Variants in GIPC2 observed in about 807,000 individuals in gnomAD.
The protein encoded by GIPC2 is PDZ domain-containing protein GIPC2.
In GIPC2, 30 loss-of-function variants were observed where a neutral mutation model predicts 30.6. That is an observed-to-expected ratio of 0.98 (90% CI 0.73 to 1.33). The LOEUF (loss-of-function observed/expected upper bound fraction) is 1.33. GIPC2 is among the 40% of genes most tolerant of loss of function. GIPC2 has a pLI of 0.00. For missense variants in GIPC2, 414 were observed against 390.3 expected, an observed-to-expected ratio of 1.06 and a Z score of -0.51; for synonymous variants, 167 against 150.0, an observed-to-expected ratio of 1.11 and a Z score of -0.83.
chr1:78,106,576 A>G (rs1457685540), intron 3 of GIPC2, among the ~76,000 whole-genome samples: 1 of 152,214 alleles, frequency 6.6e-6, no homozygotes, highest in Non-Finnish European at 1.5e-5. Context: ...AAAACAAAAC[A>G]AAACAAAACA....
Position 78,138,333 on chromosome 1 carries a change from A to C in GIPC2, c.*2590A>C, listed in dbSNP as rs1051139340. The C allele has an allele frequency of 4.6e-5, 7 of 152,264 alleles. No homozygotes were observed. Among genetic ancestry groups the C allele is most frequent in the African/African-American group, 1.7e-4 (7 of 41,470 alleles). 9.4% of individuals were successfully genotyped at this position (152,264 alleles called of 1,614,324 possible). ...CAGGTAACCTCTATTTGGAGCTGCT[A>C]CATCCAATATTGTGACTGAAAATTA... is the stretch of plus-strand genomic sequence containing the variant. On this transcript the variant is annotated 3_prime_UTR_variant, in exon 6 of 6. Transcript: ENST00000370759.
intron 1 of GIPC2, among the ~76,000 whole-genome samples, chr1:78,053,768 CA>C (rs11444194): frequency 0.054 from 6,876 of 127,850 alleles, 213 homozygotes; most frequent in Non-Finnish European, 0.076. Context: ...AAAAAAAAGC[CA>C]AAAAAAAAAA....
Position 78,095,010 on chromosome 1 carries a change from T to C in GIPC2, c.485T>C (p.Ile162Thr), listed in dbSNP as rs1262174019. 4 of 1,606,562 alleles carry C rather than the reference T, an allele frequency of 2.5e-6. No individual in the cohort carries two copies. The highest frequency in any genetic ancestry group is 1.7e-5 in the Admixed American group (1 of 59,980). The change falls in exon 3 of 6, where the codon ATT becomes ACT. Residue 162 changes from isoleucine to threonine, a missense_variant. Transcript: ENST00000370759. ...AAAACAATCTGTGTTGGGGATCATA[T>C]TGAATCCATAAATGGAGAAAATATT... ...SVKTICVGDH[I>T]ESINGENIVG...
chr1:78,046,377 C>T, intron 1 of GIPC2, 43 bp downstream of exon 1: 1 of 1,441,036 alleles, frequency 6.9e-7, no homozygotes, highest in East Asian at 2.4e-5. Flanking sequence ...CTCCGCCGCG[C>T]CGCGCCGCGC....
intron 5 of GIPC2, among the ~76,000 whole-genome samples, chr1:78,127,933 CCT>C (rs1195472472): frequency 6.6e-6 from 1 of 152,110 alleles, no homozygotes; most frequent in Admixed American, 6.6e-5. Context: ...AAGTGATCCC[CCT>C]GTCTCGTCTG....
chr1:78,046,628 T>G (rs1661092238), intron 1 of GIPC2, among the ~76,000 whole-genome samples: 1 of 152,152 alleles, frequency 6.6e-6, no homozygotes, highest in African/African-American at 2.4e-5. Flanking sequence ...TTGCTCCAGA[T>G]GTCCCGGATT....
chr1:78,119,498 T>C lies in GIPC2; in HGVS notation c.713T>C (p.Met238Thr). ...AAAGGTCCTGCCACCGTGGAAGAAA[T>C]GGTATGTTATGTTCATTTACTTCCT... is the stretch of plus-strand genomic sequence containing the variant. ...RSKGPATVEE[M>T]PSETKAKAIE... The change falls in exon 4 of 6, where the codon ATG becomes ACG. Residue 238 changes from methionine to threonine, a missense_variant and splice_region_variant. Coordinates refer to ENST00000370759, the MANE Select transcript of GIPC2 (RefSeq NM_017655.6). 1.9e-6 allele frequency: 3 copies of C among 1,558,868 alleles called. No individual in the cohort carries two copies. The highest frequency in any genetic ancestry group is 2.7e-6 in the Non-Finnish European group (3 of 1,130,152).
intron 4 of GIPC2, among the ~76,000 whole-genome samples, chr1:78,124,697 C>T (rs1427271975): frequency 6.6e-6 from 1 of 152,170 alleles, no homozygotes; most frequent in Non-Finnish European, 1.5e-5. Context: ...TGCTTATCTC[C>T]TCTTCATCAT....
intron 2 of GIPC2, among the ~76,000 whole-genome samples, chr1:78,091,010 T>C (rs1457132664): frequency 1.3e-5 from 2 of 152,220 alleles, no homozygotes; most frequent in Non-Finnish European, 2.9e-5. Context: ...GGTGATAGAT[T>C]ATTTTGGACA....
chr1:78,065,154 T>A (rs1043298236), intron 1 of GIPC2, among the ~76,000 whole-genome samples: 1 of 152,112 alleles, frequency 6.6e-6, no homozygotes, highest in African/African-American at 2.4e-5. Context: ...AAAAATTTTT[T>A]GTAGAGGTAG....
intron 2 of GIPC2, among the ~76,000 whole-genome samples, chr1:78,087,231 T>C (rs1050522380): frequency 6.6e-6 from 1 of 152,090 alleles, no homozygotes; most frequent in Non-Finnish European, 1.5e-5. Flanking sequence ...CACAGAACTA[T>C]AAAAAATTAT....
At chr1:78,069,004 C>T in intron 1 of GIPC2, 1 of 881,798 alleles carries the variant, frequency 1.1e-6, no homozygotes, top group Non-Finnish European at 1.4e-6. Flanking sequence ...AGTGCTCTGC[C>T]TCCCCTAGCA....
rs116513720 is a variant in GIPC2 at position 78,098,306 on chromosome 1, T to G, written c.607+3174T>G. ...ATCCAACTTTCTTTCAGAGAAAGAG[T>G]AAAGTCACATTTTCCTTGGTGCTGG... On this transcript the variant is annotated intron_variant, in intron 3 of 5. Coordinates refer to ENST00000370759, the MANE Select transcript of GIPC2 (RefSeq NM_017655.6). 2.0e-3 allele frequency among the ~76,000 whole-genome samples: 312 copies of G among 152,196 alleles called. 4 individuals carry two copies. Among genetic ancestry groups the G allele is most frequent in the African/African-American group, 6.7e-3 (280 of 41,510 alleles).
intron 3 of GIPC2, among the ~76,000 whole-genome samples, chr1:78,114,180 A>T (rs763655805): frequency 2.6e-5 from 4 of 152,154 alleles, no homozygotes; most frequent in Non-Finnish European, 5.9e-5. Context: ...TGGTGCATCT[A>T]GCGAGTCAGC....
At chr1:78,118,990 GTTTC>G (rs1662627155) in intron 3 of GIPC2, among the ~76,000 whole-genome samples, 1 of 144,112 alleles carries the variant, frequency 6.9e-6, no homozygotes. Flanking sequence ...TTTTTTTTTT[GTTTC>G]TTCTTTTTCT....
chr1:78,104,740 A>G (rs914744684), intron 3 of GIPC2, among the ~76,000 whole-genome samples: 2 of 152,184 alleles, frequency 1.3e-5, no homozygotes, highest in African/African-American at 2.4e-5. Flanking sequence ...CAATGATGCT[A>G]TAATTGGAAA....
intron 4 of GIPC2, among the ~76,000 whole-genome samples, 164 bp from the exon 5 acceptor site, chr1:78,125,717 T>C (rs1489192299): frequency 6.6e-6 from 1 of 152,238 alleles, no homozygotes; most frequent in Admixed American, 6.5e-5. Context: ...ATTTACTGTA[T>C]TGATTTGTAT....
chr1:78,109,245 C>T (rs778558259), intron 3 of GIPC2, among the ~76,000 whole-genome samples: 22 of 152,326 alleles, frequency 1.4e-4, no homozygotes, highest in Non-Finnish European at 2.9e-4. Flanking sequence ...CACATGCTTG[C>T]CTCTGAAACA....
At chr1:78,064,305 G>A (rs1186402017) in intron 1 of GIPC2, among the ~76,000 whole-genome samples, 1 of 152,238 alleles carries the variant, frequency 6.6e-6, no homozygotes, top group Non-Finnish European at 1.5e-5. Flanking sequence ...TGAGCATCAT[G>A]TGGAATACAA....
Sources: gnomAD v4.1 joint callset for allele counts (sites outside exome capture counted in the v4.1 genomes callset) on GRCh38, gnomAD v4.1.1 for gene constraint, MANE v1.5 for transcripts, NCBI Gene and HGNC (gene_info 2026-07-23, HGNC 2026-07-21) for gene names.